The following PIK3AP1 variants were observed in gnomAD, a reference collection of about 807,000 sequenced individuals.
The protein encoded by PIK3AP1 is phosphoinositide 3-kinase adapter protein 1.
A neutral mutation model predicts 88.1 loss-of-function variants in PIK3AP1; 21 were observed. The observed-to-expected ratio is 0.24, with a 90% CI of 0.17 to 0.34. The LOEUF is 0.34. Ranked by LOEUF, PIK3AP1 falls within the 10% of genes least tolerant of loss-of-function variation. PIK3AP1 has a pLI of 1.00. For synonymous variants in PIK3AP1, 398 were observed against 400.0 expected (o/e 1.00, Z 0.06); for missense variants, 828 against 1,035.7 (o/e 0.80, Z 2.75).
intron 8 of PIK3AP1, among the ~76,000 whole-genome samples, chr10:96,635,892 G>A (rs954346827): frequency 1.3e-5 from 2 of 151,454 alleles, no homozygotes; most frequent in Non-Finnish European, 2.9e-5. Context: ...GCAACAGAGC[G>A]AGACTCCATC....
intron 6 of PIK3AP1, among the ~76,000 whole-genome samples, chr10:96,649,252 C>T (rs758959022): frequency 2.8e-4 from 42 of 152,252 alleles, no homozygotes; most frequent in South Asian, 8.3e-4. Flanking sequence ...CCATGTTATC[C>T]AGGCTGGTCT....
intron 2 of PIK3AP1, among the ~76,000 whole-genome samples, chr10:96,672,475 C>A (rs1330280125): frequency 6.6e-6 from 1 of 152,156 alleles, no homozygotes; most frequent in African/African-American, 2.4e-5. Context: ...TGACCTTAGG[C>A]CTCTAAGACT....
intron 2 of PIK3AP1, among the ~76,000 whole-genome samples, chr10:96,705,465 G>T (rs74153710): frequency 0.012 from 1,776 of 152,078 alleles, 48 homozygotes; most frequent in African/African-American, 0.04. Context: ...TAATAATTAG[G>T]AAGTTTTTCC....
chr10:96,682,754 T>G (rs1207179452), intron 2 of PIK3AP1, among the ~76,000 whole-genome samples: 1 of 152,136 alleles, frequency 6.6e-6, no homozygotes, highest in Non-Finnish European at 1.5e-5. Flanking sequence ...AAACTGAAAT[T>G]TACATTCAAT....
intron 8 of PIK3AP1, among the ~76,000 whole-genome samples, chr10:96,635,096 C>T (rs1378220397): frequency 6.6e-6 from 1 of 152,190 alleles, no homozygotes; most frequent in South Asian, 2.1e-4. Flanking sequence ...GGATTTTCTC[C>T]ATATCTTGAA....
chr10:96,611,543 C>T (rs982390011), intron 13 of PIK3AP1, among the ~76,000 whole-genome samples: 3 of 152,138 alleles, frequency 2.0e-5, no homozygotes, highest in Non-Finnish European at 4.4e-5. Flanking sequence ...CATCTTGGCT[C>T]ACTTCAACCT....
chr10:96,687,284 AAG>A lies in PIK3AP1; in HGVS notation c.430+22281_430+22282del, dbSNP rs1281766367. Among the ~76,000 whole-genome samples, 20 of 130,980 alleles carry A rather than the reference AAG, an allele frequency of 1.5e-4. 1 individual carries two copies. Among genetic ancestry groups the A allele is most frequent in the African/African-American group, 2.6e-4 (6 of 23,258 alleles). The allele number at this position is 130,980 out of a possible 152,430, so 85.9% of individuals were successfully genotyped here. On this transcript the variant is annotated intron_variant, in intron 2 of 16. Transcript: ENST00000339364. ...AAAAAAAAAAAAAAAAAAAAAAAAA[AAG>A]AAAAAAGATCTCCTCCTTTCAAGGA...
chr10:96,696,235 CAGTGAA>C (rs1411706173), intron 2 of PIK3AP1, among the ~76,000 whole-genome samples: 14 of 152,162 alleles, frequency 9.2e-5, no homozygotes. Context: ...TAAACGTAAA[CAGTGAA>C]AATTTTAAAA....
At chr10:96,714,597 T>G (rs1016559757) in intron 1 of PIK3AP1, among the ~76,000 whole-genome samples, 2 of 152,238 alleles carry the variant, frequency 1.3e-5, no homozygotes, top group Non-Finnish European at 2.9e-5. Context: ...AATGATGGAT[T>G]CTAGGAATGA....
chr10:96,620,389 T>C lies in PIK3AP1; in HGVS notation c.1904A>G (p.Asn635Ser), dbSNP rs1843059692. ...AAAGGACTCCGATCGTTTCTTCTGG[T>C]TGAGCTGCCACTCTTTGAAGTGGAG... ...AVLHFKEWQL[N>S]QKKRSESFRF... is the part of the protein sequence containing the mutation. Residue 635 changes from asparagine to serine, a missense_variant, in exon 12 of 17, where the codon AAC (asparagine) becomes AGC (serine). Physicochemically the swap from Asn to Ser is conservative, Grantham distance 46. Transcript: ENST00000339364. 1 of 1,614,064 alleles carries C rather than the reference T, an allele frequency of 6.2e-7. No individual in the cohort carries two copies. The highest frequency in any genetic ancestry group is 8.5e-7 in the Non-Finnish European group (1 of 1,180,022).
chr10:96,612,972 ATATATATATATTTTTTTTTTTTTTTT>A (rs1389029364), intron 13 of PIK3AP1, among the ~76,000 whole-genome samples: 2 of 103,184 alleles, frequency 1.9e-5, no homozygotes, highest in African/African-American at 9.6e-5. Flanking sequence ...ATATATATAT[ATATATATATATTTTTTTTTTTTTTTT>A]TTTTTTTTTT....
intron 1 of PIK3AP1, among the ~76,000 whole-genome samples, chr10:96,717,046 G>A (rs1201113966): frequency 1.3e-5 from 2 of 152,076 alleles, no homozygotes; most frequent in Non-Finnish European, 2.9e-5. Context: ...CAGATCACTT[G>A]AGGCCAGGAG....
At chr10:96,620,695 A>G in intron 11 of PIK3AP1, 138 bp from the exon 12 acceptor site, 3 of 684,568 alleles carry the variant, frequency 4.4e-6, no homozygotes, top group Non-Finnish European at 4.9e-6. Context: ...AAGAAGGGGG[A>G]GATACAACAT....
intron 2 of PIK3AP1, among the ~76,000 whole-genome samples, chr10:96,698,453 C>T (rs1473150712): frequency 2.0e-5 from 3 of 152,022 alleles, no homozygotes; most frequent in South Asian, 2.1e-4. Flanking sequence ...GAGTTTGAGA[C>T]GAGCCTGGCT....
intron 13 of PIK3AP1, among the ~76,000 whole-genome samples, chr10:96,615,628 TACTTG>T (rs1355971544): frequency 6.6e-6 from 1 of 152,120 alleles, no homozygotes; most frequent in Non-Finnish European, 1.5e-5. Flanking sequence ...GTCCCACATA[TACTTG>T]AATGAGGAAG....
chr10:96,595,372 A>C lies in PIK3AP1; in HGVS notation c.*205T>G, dbSNP rs1257426710. 3 of 586,502 alleles carry C rather than the reference A, an allele frequency of 5.1e-6. No individual in the cohort carries two copies. Among genetic ancestry groups the C allele is most frequent in the Non-Finnish European group, 6.1e-6 (2 of 327,250 alleles). 36.3% of individuals were successfully genotyped at this position (586,502 alleles called of 1,614,324 possible). A position where few individuals can be genotyped will look rare whatever the true frequency, so the allele number is the denominator to read the frequency against. On this transcript the variant is annotated 3_prime_UTR_variant, in exon 17 of 17. Transcript: ENST00000339364. ...TGGTTCGATATACTTGGTGATGGTGAATGAAGCCCTTAGTTTTTCACTTCT... is the reference window on the plus strand; with the variant it reads ...TGGTTCGATATACTTGGTGATGGTGCATGAAGCCCTTAGTTTTTCACTTCT...
chr10:96,683,107 C>T (rs770064710), intron 2 of PIK3AP1, among the ~76,000 whole-genome samples: 2 of 152,168 alleles, frequency 1.3e-5, no homozygotes, highest in African/African-American at 2.4e-5. Flanking sequence ...CCTGAGATAA[C>T]AACTGCAAGC....
At chr10:96,711,512 T>C (rs1421389843) in intron 1 of PIK3AP1, among the ~76,000 whole-genome samples, 10 of 152,308 alleles carry the variant, frequency 6.6e-5, no homozygotes, top group Non-Finnish European at 1.5e-4. Context: ...ACCACCTAAG[T>C]TGTAGACTAA....
chr10:96,713,280 G>A (rs1318196400), intron 1 of PIK3AP1, among the ~76,000 whole-genome samples: 1 of 151,206 alleles, frequency 6.6e-6, no homozygotes. Flanking sequence ...GGCAGATCAC[G>A]AGGTCAGGAG....
Sources: allele counts gnomAD v4.1 joint callset (sites outside exome capture counted in the v4.1 genomes callset), GRCh38; gene constraint gnomAD v4.1.1; transcripts MANE v1.5; gene names NCBI Gene and HGNC (gene_info 2026-07-23, HGNC 2026-07-21).